CRLS1: variants seen among roughly 807,000 people sequenced by gnomAD.
The protein encoded by CRLS1 is cardiolipin synthase 1.
A neutral mutation model predicts 37.0 loss-of-function variants in CRLS1; 24 were observed. That is an observed-to-expected ratio of 0.65 (90% CI 0.47 to 0.91). The LOEUF is 0.91. Among genes scored for constraint, CRLS1 ranks in the 40% least tolerant of loss-of-function variants. CRLS1 has a pLI of 0.00. For synonymous variants in CRLS1, 135 were observed against 159.7 expected (o/e 0.85, Z 1.17); for missense variants, 373 against 395.8 (o/e 0.94, Z 0.49).
At position 6,006,494 on chromosome 20, in the gene CRLS1, C is replaced by G; in HGVS notation, c.248C>G (p.Ala83Gly). Residue 83 changes from alanine to glycine, a missense_variant, in exon 1 of 7, where the codon GCG becomes GGG. By Grantham distance (60) the Ala-to-Gly change is moderately conservative. Transcript: ENST00000378863. ...GKAAPRPAAG[A>G]GAAAEAPGGQ... is the part of the protein sequence containing the mutation. ...GCGGCTCCCAGGCCAGCGGCCGGAG[C>G]GGGCGCCGCTGCCGAAGCCCCGGGC... The G allele has an allele frequency of 7.3e-7, 1 of 1,365,372 alleles. No individual in the cohort carries two copies. Among genetic ancestry groups the G allele is most frequent in the Non-Finnish European group, 9.4e-7 (1 of 1,065,268 alleles). The allele number at this position is 1,365,372 out of a possible 1,614,324, so 84.6% of individuals were successfully genotyped here. A position where few individuals can be genotyped will look rare whatever the true frequency, so the allele number is the denominator to read the frequency against.
At position 6,039,431 on chromosome 20, in the gene CRLS1, C is replaced by T. The variant is rs373459808; in HGVS notation, c.*2273C>T. The T allele has an allele frequency of 2.6e-5, 4 of 152,142 alleles. No homozygotes were observed. The East Asian group carries it at 5.8e-4, about 22-fold the overall frequency. 9.4% of individuals were successfully genotyped at this position (152,142 alleles called of 1,614,324 possible). A position where few individuals can be genotyped will look rare whatever the true frequency, so the allele number is the denominator to read the frequency against. ...ATTTATGATGAAACTAGGGATCTAC[C>T]TTAAAGTTTTGGGAAGCTCTTTCAA... is the stretch of plus-strand genomic sequence containing the variant. On this transcript the variant is annotated 3_prime_UTR_variant, in exon 7 of 7. Transcript: ENST00000378863.
chr20:6,011,923 A>T (rs764516530), intron 2 of CRLS1, among the ~76,000 whole-genome samples: 1 of 151,238 alleles, frequency 6.6e-6, no homozygotes, highest in African/African-American at 2.4e-5. Context: ...TTCATTGTTA[A>T]TATTATCTCC....
chr20:6,020,662 G>A (rs1000907292), intron 3 of CRLS1, among the ~76,000 whole-genome samples: 10 of 148,454 alleles, frequency 6.7e-5, no homozygotes, highest in Non-Finnish European at 1.2e-4. Context: ...TTGCTCTGTC[G>A]CCCAGGCTGG....
chr20:6,008,489 G>A (rs2090089583), intron 1 of CRLS1, among the ~76,000 whole-genome samples: 1 of 152,222 alleles, frequency 6.6e-6, no homozygotes, highest in Non-Finnish European at 1.5e-5. Flanking sequence ...GAGCTCTTTT[G>A]TTAGTGCCAA....
At chr20:6,007,557 T>G in intron 1 of CRLS1, 2 of 781,526 alleles carry the variant, frequency 2.6e-6, no homozygotes, top group Non-Finnish European at 4.3e-6. Flanking sequence ...TCCAGCAACA[T>G]TGAGTTCTGT....
intron 1 of CRLS1, chr20:6,006,839 C>A (rs958881837): frequency 2.0e-6 from 2 of 983,688 alleles, no homozygotes; most frequent in Admixed American, 6.1e-5. Flanking sequence ...ATAAAGGTAG[C>A]CTTCGCTTGT....
chr20:6,031,004 A>G (rs1350852062), intron 3 of CRLS1, among the ~76,000 whole-genome samples: 4 of 152,072 alleles, frequency 2.6e-5, no homozygotes, highest in Non-Finnish European at 4.4e-5. Flanking sequence ...CATGCAAGAA[A>G]AAAACACAAA....
chr20:6,032,720 C>G (rs78829765), intron 5 of CRLS1, among the ~76,000 whole-genome samples: 2,368 of 152,284 alleles, frequency 0.016, 64 homozygotes, highest in African/African-American at 0.054. Context: ...TAAGTATATG[C>G]CAGTCTACCT....
chr20:6,007,241 C>A, intron 1 of CRLS1: 1 of 1,506,954 alleles, frequency 6.6e-7, no homozygotes, highest in Admixed American at 2.3e-5. Context: ...GGCCCCTGTA[C>A]TGCTTTCATC....
intron 5 of CRLS1, among the ~76,000 whole-genome samples, chr20:6,033,796 C>T (rs996416661): frequency 2.0e-5 from 3 of 152,176 alleles, no homozygotes; most frequent in Non-Finnish European, 4.4e-5. Flanking sequence ...CCTACCACCT[C>T]AGCCCCCCAA....
At chr20:6,006,053 T>C (rs941869989), upstream of CRLS1, 3 of 362,826 alleles carry the variant, frequency 8.3e-6, no homozygotes, top group Non-Finnish European at 1.5e-5. Flanking sequence ...CGTAAAAGCG[T>C]CGCGAAGGCG....
At chr20:6,023,142 T>A (rs762797003) in intron 3 of CRLS1, among the ~76,000 whole-genome samples, 16 of 152,232 alleles carry the variant, frequency 1.1e-4, no homozygotes, top group Non-Finnish European at 2.1e-4. Flanking sequence ...AAGTTTTCAG[T>A]ATTGACTTAT....
chr20:6,037,398 A>G lies in CRLS1; in HGVS notation c.*240A>G. 1 of 300,212 alleles carries G rather than the reference A, an allele frequency of 3.3e-6. No individual in the cohort carries two copies. The highest frequency in any genetic ancestry group is 2.2e-5 in the African/African-American group (1 of 46,352). The allele number at this position is 300,212 out of a possible 1,614,324, so 18.6% of individuals were successfully genotyped here. On this transcript the variant is annotated 3_prime_UTR_variant, in exon 7 of 7. Transcript: ENST00000378863. ...ATTGTAATTTAGAATTTTTAATCTT[A>G]GGTTTCTTGATTAATTTATAAGAGA...
Position 6,006,264 on chromosome 20 carries a change from G to A in CRLS1, c.18G>A (p.Val6=). The A allele has an allele frequency of 8.0e-7, 1 of 1,250,978 alleles. No individual in the cohort carries two copies. The highest frequency in any genetic ancestry group is 3.1e-4 in the Middle Eastern group (1 of 3,212). The allele number at this position is 1,250,978 out of a possible 1,614,324, so 77.5% of individuals were successfully genotyped here. ...GCAGGGCCATGCTAGCCTTGCGCGT[G>A]GCGCGCGGCTCGTGGGGGGCCCTGC... The part of the protein sequence containing the change: MLALR[V]ARGSWGALRG... The change falls in exon 1 of 7, where the codon GTG becomes GTA. Residue 6 remains valine, a synonymous_variant. Coordinates refer to ENST00000378863, the MANE Select transcript of CRLS1 (RefSeq NM_019095.6).
chr20:6,018,848 G>T (rs1332315560), intron 3 of CRLS1, among the ~76,000 whole-genome samples: 2 of 152,056 alleles, frequency 1.3e-5, no homozygotes, highest in Non-Finnish European at 2.9e-5. Context: ...ACATATTAAT[G>T]CAATATTAGT....
rs1978674358 is a variant in CRLS1, at chr20:6,015,481, C to A, written c.565C>A (p.Leu189Ile). 3.1e-6 allele frequency: 5 copies of A among 1,613,366 alleles called. No individual in the cohort carries two copies. The highest frequency in any genetic ancestry group is 4.2e-6 in the Non-Finnish European group (5 of 1,179,462). The stretch of plus-strand genomic sequence containing the variant: ...ATATGTTAGCTTGACCTATGCAGAT[C>A]TTATTCCAGGTAAGAACGCGTCATG... ...ILYVSLTYAD[L>I]IPVPLTYMII... is the part of the protein sequence containing the mutation. The change falls in exon 3 of 7, where the codon CTT (leucine) becomes ATT (isoleucine). Residue 189 changes from leucine (L) to isoleucine (I), a missense_variant. Leu to Ile is a conservative substitution (Grantham distance 5). Coordinates refer to ENST00000378863, the MANE Select transcript of CRLS1 (RefSeq NM_019095.6).
chr20:6,024,655 G>A (rs951608237), intron 3 of CRLS1, among the ~76,000 whole-genome samples: 8 of 152,204 alleles, frequency 5.3e-5, no homozygotes, highest in African/African-American at 1.7e-4. Context: ...AGGGCATTTC[G>A]AAAGCTGAGA....
intron 2 of CRLS1, among the ~76,000 whole-genome samples, chr20:6,012,291 A>G (rs1233964678): frequency 1.3e-5 from 2 of 152,134 alleles, no homozygotes; most frequent in African/African-American, 4.8e-5. Context: ...GACAGCTAAG[A>G]GTGGAAGCTG....
chr20:6,006,115 T>C (rs1186695499), upstream of CRLS1: 5 of 429,928 alleles, frequency 1.2e-5, no homozygotes, highest in Non-Finnish European at 1.9e-5. Context: ...TGCTGGGGTG[T>C]GTAAAGTAGT....
Sources: gnomAD v4.1 joint callset for allele counts (sites outside exome capture counted in the v4.1 genomes callset) on GRCh38, gnomAD v4.1.1 for gene constraint, MANE v1.5 for transcripts, NCBI Gene and HGNC (gene_info 2026-07-23, HGNC 2026-07-21) for gene names.